NT5DC1: variants seen among roughly 807,000 people sequenced by gnomAD.
NT5DC1 encodes the protein 5'-nucleotidase domain-containing protein 1.
A neutral mutation model predicts 59.4 loss-of-function variants in NT5DC1; 42 were observed. The observed-to-expected ratio is 0.71, with a 90% CI of 0.55 to 0.92. The LOEUF (loss-of-function observed/expected upper bound fraction) is 0.92, where lower values mean the gene tolerates loss of function less well. Among genes scored for constraint, NT5DC1 ranks in the 40% least tolerant of loss-of-function variants. The pLI is 0.00. For synonymous variants in NT5DC1, 172 were observed against 188.1 expected (o/e 0.91, Z 0.70); for missense variants, 501 against 537.1 (o/e 0.93, Z 0.66).
intron 6 of NT5DC1, among the ~76,000 whole-genome samples, chr6:116,161,114 T>G (rs1393791614): frequency 6.7e-6 from 1 of 148,840 alleles, no homozygotes; most frequent in African/African-American, 2.5e-5. Context: ...CACCGCATGT[T>G]CTCACTCATA....
At chr6:116,123,143 A>G (rs1779186761) in intron 6 of NT5DC1, among the ~76,000 whole-genome samples, 1 of 152,226 alleles carries the variant, frequency 6.6e-6, no homozygotes, top group East Asian at 1.9e-4. Flanking sequence ...TATAAGGGTC[A>G]TGTTCACACT....
intron 11 of NT5DC1, among the ~76,000 whole-genome samples, chr6:116,241,806 C>A (rs1304832586): frequency 3.3e-5 from 5 of 150,668 alleles, no homozygotes; most frequent in African/African-American, 1.2e-4. Context: ...GCCTGTAGTC[C>A]CAGCTACTCA....
chr6:116,140,335 C>T (rs528924906), intron 6 of NT5DC1, among the ~76,000 whole-genome samples: 2 of 152,256 alleles, frequency 1.3e-5, no homozygotes, highest in East Asian at 3.9e-4. Context: ...AGTGGGAGCA[C>T]CACCTTTGCT....
chr6:116,173,702 A>G (rs1474789759), intron 6 of NT5DC1, among the ~76,000 whole-genome samples: 5 of 152,102 alleles, frequency 3.3e-5, no homozygotes, highest in Non-Finnish European at 5.9e-5. Context: ...TGTCTTATAC[A>G]CTTTGTTTTG....
chr6:116,201,761 C>G (rs1300166122), intron 6 of NT5DC1, among the ~76,000 whole-genome samples: 1 of 152,016 alleles, frequency 6.6e-6, no homozygotes, highest in Non-Finnish European at 1.5e-5. Context: ...GCCTAAGCCA[C>G]TTGATTCTGG....
chr6:116,149,594 A>G (rs1779984044), intron 6 of NT5DC1, among the ~76,000 whole-genome samples: 2 of 152,208 alleles, frequency 1.3e-5, no homozygotes, highest in Admixed American at 1.3e-4. Flanking sequence ...ATGACTGTCG[A>G]AAGGGTATCT....
intron 6 of NT5DC1, among the ~76,000 whole-genome samples, chr6:116,197,970 A>C (rs186258961): frequency 6.6e-6 from 1 of 152,060 alleles, no homozygotes; most frequent in Non-Finnish European, 1.5e-5. Context: ...TTTGTCATAG[A>C]GGGCAGTGGC....
chr6:116,181,190 T>G (rs1780865519), intron 6 of NT5DC1, among the ~76,000 whole-genome samples: 1 of 152,012 alleles, frequency 6.6e-6, no homozygotes, highest in African/African-American at 2.4e-5. Context: ...TACATGTGTC[T>G]GAAAATTTCC....
intron 8 of NT5DC1, among the ~76,000 whole-genome samples, chr6:116,235,998 A>G (rs1212710314): frequency 6.6e-6 from 1 of 152,182 alleles, no homozygotes; most frequent in Non-Finnish European, 1.5e-5. Context: ...TTGTTCTCTT[A>G]AAGAGGACCC....
intron 6 of NT5DC1, among the ~76,000 whole-genome samples, chr6:116,157,685 A>C (rs1780230891): frequency 6.6e-6 from 1 of 152,172 alleles, no homozygotes; most frequent in Non-Finnish European, 1.5e-5. Flanking sequence ...ATTTTTTAAC[A>C]AAACAGAATA....
chr6:116,128,593 C>T (rs1189107493), intron 6 of NT5DC1, among the ~76,000 whole-genome samples: 1 of 152,134 alleles, frequency 6.6e-6, no homozygotes, highest in East Asian at 1.9e-4. Flanking sequence ...AATTAATTCA[C>T]CTTATGTTTC....
intron 6 of NT5DC1, among the ~76,000 whole-genome samples, chr6:116,175,455 C>T (rs529020045): frequency 2.0e-5 from 3 of 152,164 alleles, no homozygotes; most frequent in African/African-American, 7.2e-5. Context: ...TGTTTGATAT[C>T]CTTCATTATT....
intron 6 of NT5DC1, among the ~76,000 whole-genome samples, chr6:116,202,560 A>G (rs1781370825): frequency 6.6e-6 from 1 of 151,960 alleles, no homozygotes; most frequent in African/African-American, 2.4e-5. Context: ...TCTTTTACAG[A>G]TGCAAATCTG....
intron 7 of NT5DC1, among the ~76,000 whole-genome samples, 185 bp from the exon 8 acceptor site, chr6:116,222,849 C>T (rs1781834968): frequency 1.3e-5 from 2 of 152,168 alleles, no homozygotes; most frequent in South Asian, 2.1e-4. Flanking sequence ...GACTAGTACT[C>T]ACCCACCTTC....
intron 6 of NT5DC1, chr6:116,121,605 C>T (rs1363973256): frequency 1.9e-6 from 3 of 1,613,896 alleles, no homozygotes; most frequent in Non-Finnish European, 2.5e-6. Flanking sequence ...CCAGGAAAGC[C>T]CCTGGGTCCT....
rs1268201033 is a variant in NT5DC1, at chr6:116,246,235, G to A, written c.*2211G>A. The stretch of plus-strand genomic sequence containing the variant: ...AAAGGACACCTAAAAATAGATGTAA[G>A]CGAGCGGAGGTTTTCTTTGCTGGCC... On this transcript the variant is annotated 3_prime_UTR_variant, in exon 12 of 12. Transcript: ENST00000319550. The A allele has an allele frequency of 6.6e-6, 1 of 152,098 alleles. No homozygotes were observed. Among genetic ancestry groups the A allele is most frequent in the Non-Finnish European group, 1.5e-5 (1 of 67,998 alleles). 9.4% of individuals were successfully genotyped at this position (152,098 alleles called of 1,614,324 possible). A position where few individuals can be genotyped will look rare whatever the true frequency, so the allele number is the denominator to read the frequency against.
intron 2 of NT5DC1, among the ~76,000 whole-genome samples, chr6:116,106,894 C>T (rs544917547): frequency 6.6e-6 from 1 of 152,190 alleles, no homozygotes; most frequent in Non-Finnish European, 1.5e-5. Context: ...TTAAATTGTT[C>T]AGTTTAAAAT....
chr6:116,143,872 G>A (rs770958211), intron 6 of NT5DC1, among the ~76,000 whole-genome samples: 16 of 152,118 alleles, frequency 1.1e-4, no homozygotes, highest in Non-Finnish European at 2.2e-4. Context: ...GTTTGGTTGT[G>A]TTGTGTTTTC....
chr6:116,203,464 T>A (rs1041437115), intron 6 of NT5DC1, among the ~76,000 whole-genome samples: 1 of 151,958 alleles, frequency 6.6e-6, no homozygotes, highest in African/African-American at 2.4e-5. Context: ...TATGTAATTA[T>A]GCAGTATGTA....
Sources: allele counts gnomAD v4.1 joint callset (sites outside exome capture counted in the v4.1 genomes callset), GRCh38; gene constraint gnomAD v4.1.1; transcripts MANE v1.5; gene names NCBI Gene and HGNC (gene_info 2026-07-23, HGNC 2026-07-21).